Variants in FILIP1L observed in about 807,000 individuals in gnomAD.
The protein encoded by FILIP1L is filamin A-interacting protein 1-like.
FILIP1L carries 55 observed loss-of-function variants against 96.6 expected under a neutral mutation model. The observed-to-expected ratio is 0.57, with a 90% CI of 0.46 to 0.71. The LOEUF is 0.71. FILIP1L is among the 30% of genes least tolerant of loss of function. The pLI, the probability that FILIP1L is intolerant of heterozygous loss-of-function variation, is 0.00. For missense variants in FILIP1L, 1,304 were observed against 1,321.2 expected (o/e 0.99, Z 0.20); for synonymous variants, 467 against 473.9 (o/e 0.99, Z 0.19).
Position 99,850,128 on chromosome 3 carries a change from A to T in FILIP1L, c.1548T>A (p.Asp516Glu), listed in dbSNP as rs1414067432. The stretch of plus-strand genomic sequence containing the variant: ...GCTGAGAAGAAGCAGCTTGTAATTT[A>T]TCTTCAGTTTTCTTTAATTTTTCAC... ...TMSEKLKKTE[D>E]KLQAASSQLQ... The change falls in exon 5 of 6, where the codon GAT becomes GAA. Residue 516 changes from aspartate (D) to glutamate (E), a missense_variant. Transcript: ENST00000477258. 5.0e-6 allele frequency: 8 copies of T among 1,612,404 alleles called. No homozygotes were observed. Among genetic ancestry groups the T allele is most frequent in the Non-Finnish European group, 5.9e-6 (7 of 1,179,694 alleles).
intron 4 of FILIP1L, among the ~76,000 whole-genome samples, chr3:99,913,520 A>G (rs1322291263): frequency 6.6e-6 from 1 of 152,236 alleles, no homozygotes; most frequent in Non-Finnish European, 1.5e-5. Context: ...AATAAAAAGG[A>G]TACAATCTAA....
chr3:99,955,687 C>T (rs962650940), intron 1 of FILIP1L, among the ~76,000 whole-genome samples: 10 of 152,062 alleles, frequency 6.6e-5, no homozygotes, highest in African/African-American at 2.4e-4. Context: ...CTTCCTGGAG[C>T]ATTGATGATG....
intron 3 of FILIP1L, among the ~76,000 whole-genome samples, chr3:99,926,814 T>C (rs1209311495): frequency 1.3e-5 from 2 of 152,216 alleles, no homozygotes; most frequent in South Asian, 2.1e-4. Flanking sequence ...ATTGTTTTTT[T>C]CCCTTTATAT....
intron 1 of FILIP1L, among the ~76,000 whole-genome samples, chr3:100,085,992 T>G (rs2107417480): frequency 6.6e-6 from 1 of 152,338 alleles, no homozygotes; most frequent in South Asian, 2.1e-4. Context: ...GACAAGTTAA[T>G]CAAATGGCTG....
At chr3:99,993,391 G>A (rs1338422932) in intron 1 of FILIP1L, among the ~76,000 whole-genome samples, 1 of 151,986 alleles carries the variant, frequency 6.6e-6, no homozygotes, top group Non-Finnish European at 1.5e-5. Flanking sequence ...AGTCTTCAGG[G>A]TTTTCTAGAT....
chr3:99,929,666 A>G (rs1483331960), intron 3 of FILIP1L, among the ~76,000 whole-genome samples, 190 bp downstream of exon 3: 2 of 152,268 alleles, frequency 1.3e-5, no homozygotes, highest in Middle Eastern at 3.4e-3. Context: ...AACCTAGTGG[A>G]CGCATCCTGT....
At chr3:100,103,825 C>G (rs932991122) in intron 1 of FILIP1L, among the ~76,000 whole-genome samples, 7 of 152,100 alleles carry the variant, frequency 4.6e-5, no homozygotes, top group Non-Finnish European at 8.8e-5. Context: ...CTGTGTTATC[C>G]TAAAGAAAAG....
chr3:100,085,990 A>G (rs1156530731), intron 1 of FILIP1L, among the ~76,000 whole-genome samples: 2 of 152,228 alleles, frequency 1.3e-5, no homozygotes, highest in Non-Finnish European at 2.9e-5. Context: ...TGGACAAGTT[A>G]ATCAAATGGC....
At chr3:100,072,859 A>C (rs1379048414) in intron 1 of FILIP1L, among the ~76,000 whole-genome samples, 7 of 152,180 alleles carry the variant, frequency 4.6e-5, no homozygotes, top group Admixed American at 2.0e-4. Flanking sequence ...CTTCCCCCAT[A>C]AACTACCTAC....
intron 1 of FILIP1L, among the ~76,000 whole-genome samples, chr3:99,983,471 T>TATAC (rs1709222944): frequency 6.5e-5 from 1 of 15,336 alleles, no homozygotes; most frequent in Non-Finnish European, 1.2e-4. Flanking sequence ...TGTGTATATA[T>TATAC]ATATATATAT....
At chr3:100,098,296 T>C (rs2066246169) in intron 1 of FILIP1L, among the ~76,000 whole-genome samples, 1 of 152,246 alleles carries the variant, frequency 6.6e-6, no homozygotes, top group Admixed American at 6.5e-5. Context: ...AAACAAGCAC[T>C]GTGTTTTAGA....
At chr3:99,971,034 G>A (rs1357173368) in intron 1 of FILIP1L, among the ~76,000 whole-genome samples, 1 of 152,108 alleles carries the variant, frequency 6.6e-6, no homozygotes, top group African/African-American at 2.4e-5. Flanking sequence ...GCAGGTTTTG[G>A]TGTCTCTTAA....
At chr3:100,083,079 G>T (rs563655162) in intron 1 of FILIP1L, among the ~76,000 whole-genome samples, 1 of 152,076 alleles carries the variant, frequency 6.6e-6, no homozygotes, top group Non-Finnish European at 1.5e-5. Context: ...CAATTTCCAG[G>T]TCTAAATAAA....
At position 99,871,235 on chromosome 3, in the gene FILIP1L, G is replaced by C. The variant is rs556722213; in HGVS notation, c.606-20165C>G. On this transcript the variant is annotated intron_variant, in intron 4 of 5. Coordinates refer to ENST00000477258, the MANE Select transcript of FILIP1L (RefSeq NM_001387850.1). Reference sequence around the variant, plus strand: ...TTCCATATGGTTGCTTTAAGTAGTGGCTGAGATTTGTTTTCAGCTCCTAAA... The same window carrying C: ...TTCCATATGGTTGCTTTAAGTAGTGCCTGAGATTTGTTTTCAGCTCCTAAA... 1.1e-4 allele frequency among the ~76,000 whole-genome samples: 17 copies of C among 152,260 alleles called. No individual in the cohort carries two copies. The East Asian group carries it at 3.3e-3, about 29-fold the overall frequency.
At chr3:100,083,351 C>T (rs1360604488) in intron 1 of FILIP1L, among the ~76,000 whole-genome samples, 2 of 152,226 alleles carry the variant, frequency 1.3e-5, no homozygotes, top group Non-Finnish European at 2.9e-5. Context: ...TTGTGTGGAA[C>T]AGCAGCATCA....
At chr3:100,096,256 C>T (rs1393131107) in intron 1 of FILIP1L, among the ~76,000 whole-genome samples, 1 of 152,104 alleles carries the variant, frequency 6.6e-6, no homozygotes, top group Non-Finnish European at 1.5e-5. Flanking sequence ...AATCCCACTA[C>T]TAGGTACATA....
rs71907944 is a variant in FILIP1L at position 100,062,093 on chromosome 3, C to CTTT, written c.-11+51957_-11+51959dup. 1.3e-3 allele frequency among the ~76,000 whole-genome samples: 68 copies of CTTT among 53,174 alleles called. 21 individuals carry two copies. Among genetic ancestry groups the CTTT allele is most frequent in the African/African-American group, 3.9e-3 (44 of 11,236 alleles). The allele number at this position is 53,174 out of a possible 152,430, so 34.9% of individuals were successfully genotyped here. ...CCACTTGTGGTTATCCTGTCTTCTTCTTTTTTTTTTTTTTTTTTTTTTTTT... is the reference window on the plus strand; with the variant it reads ...CCACTTGTGGTTATCCTGTCTTCTTCTTTTTTTTTTTTTTTTTTTTTTTTTTTT... On this transcript the variant is annotated intron_variant, in intron 1 of 5. Coordinates refer to ENST00000477258, the MANE Select transcript of FILIP1L (RefSeq NM_001387850.1).
intron 3 of FILIP1L, among the ~76,000 whole-genome samples, chr3:99,929,297 G>C (rs1367102382): frequency 6.6e-6 from 1 of 152,162 alleles, no homozygotes; most frequent in Non-Finnish European, 1.5e-5. Flanking sequence ...GTGAGGGAAA[G>C]GTCTTTGCTG....
intron 1 of FILIP1L, among the ~76,000 whole-genome samples, chr3:100,012,495 G>A (rs1710186397): frequency 6.6e-6 from 1 of 152,000 alleles, no homozygotes; most frequent in Non-Finnish European, 1.5e-5. Context: ...GAGCCTTAAG[G>A]ACTACATATC....
Sources: allele counts gnomAD v4.1 joint callset (sites outside exome capture counted in the v4.1 genomes callset), GRCh38; gene constraint gnomAD v4.1.1; transcripts MANE v1.5; gene names NCBI Gene and HGNC (gene_info 2026-07-23, HGNC 2026-07-21).